The following RELN variants were observed in gnomAD, a reference collection of about 807,000 sequenced individuals.
The protein encoded by RELN is reelin.
In RELN, 108 loss-of-function variants were observed where a neutral mutation model predicts 427.6. The ratio of observed to expected loss-of-function variants is 0.25; its 90% CI spans 0.22 to 0.30. RELN has a LOEUF of 0.30. Among genes scored for constraint, RELN ranks in the 10% least tolerant of loss-of-function variants. The pLI is 1.00. For synonymous variants in RELN, 1,524 were observed against 1,513.4 expected, an observed-to-expected ratio of 1.01 and a Z score of -0.16; for missense variants, 3,715 against 4,302.8, an observed-to-expected ratio of 0.86 and a Z score of 3.82.
chr7:103,571,257 A>T lies in RELN; in HGVS notation c.4588+927T>A, dbSNP rs362809. On this transcript the variant is annotated intron_variant, in intron 31 of 64. Transcript: ENST00000428762. ...TGCAAACTCTTTACATGTTGCTGAG[A>T]CCACGGTTTGGAGGAGGATGCATCT... Among the ~76,000 whole-genome samples, 327 of 152,300 alleles carry T rather than the reference A, an allele frequency of 2.1e-3. 10 individuals carry two copies. The East Asian group carries it at 0.06, about 28-fold the overall frequency.
intron 1 of RELN, among the ~76,000 whole-genome samples, chr7:103,957,057 G>A (rs1259261924): frequency 6.6e-6 from 1 of 152,160 alleles, no homozygotes; most frequent in Non-Finnish European, 1.5e-5. Context: ...GTGCAGGGAA[G>A]GAGAAATGGC....
At chr7:103,735,946 A>T (rs1790481514) in intron 6 of RELN, among the ~76,000 whole-genome samples, 1 of 152,230 alleles carries the variant, frequency 6.6e-6, no homozygotes, top group Admixed American at 6.5e-5. Context: ...TGTTCTGATT[A>T]CTTAAAGTTC....
At position 103,548,757 on chromosome 7, in the gene RELN, C is replaced by T. The variant is rs362773; in HGVS notation, c.6302+2310G>A. Among the ~76,000 whole-genome samples the T allele has an allele frequency of 2.8e-3, 427 of 152,236 alleles. 4 individuals are homozygous for T. The highest frequency in any genetic ancestry group is 9.6e-3 in the African/African-American group (398 of 41,524). On this transcript the variant is annotated intron_variant, in intron 41 of 64. Transcript: ENST00000428762. ...GTCTGCAAGTCTCTTGTTCAGATTT[C>T]CAAATTATATTGTCTTGCCTTACGT...
At chr7:103,872,545 G>T (rs1794373036) in intron 2 of RELN, among the ~76,000 whole-genome samples, 1 of 132,996 alleles carries the variant, frequency 7.5e-6, no homozygotes, top group Non-Finnish European at 1.6e-5. Flanking sequence ...TGTCTTTATA[G>T]CGGCATGATT....
chr7:103,937,770 T>C (rs146087593), intron 1 of RELN, among the ~76,000 whole-genome samples: 47 of 152,286 alleles, frequency 3.1e-4, no homozygotes, highest in African/African-American at 1.0e-3. Context: ...AAAACAAATA[T>C]GTTAAAATGG....
intron 2 of RELN, among the ~76,000 whole-genome samples, chr7:103,842,589 A>G (rs1462805369): frequency 6.6e-6 from 1 of 152,248 alleles, no homozygotes; most frequent in African/African-American, 2.4e-5. Flanking sequence ...GCTCTTAAGT[A>G]GAGTAATGCT....
chr7:103,818,918 T>C (rs1792948524), intron 3 of RELN, among the ~76,000 whole-genome samples: 1 of 152,024 alleles, frequency 6.6e-6, no homozygotes, highest in African/African-American at 2.4e-5. Context: ...ATGTTACTTT[T>C]TTTTAAAAAA....
At chr7:103,869,699 A>C (rs764918490) in intron 2 of RELN, among the ~76,000 whole-genome samples, 11 of 152,032 alleles carry the variant, frequency 7.2e-5, no homozygotes, top group Admixed American at 6.6e-5. Context: ...TTGATTTCTC[A>C]TTGGCTATAG....
chr7:103,803,613 A>T (rs1792522473), intron 3 of RELN, among the ~76,000 whole-genome samples: 1 of 152,108 alleles, frequency 6.6e-6, no homozygotes, highest in African/African-American at 2.4e-5. Flanking sequence ...ATACCCAGTA[A>T]ACCTTGTTAT....
chr7:103,485,248 AAAAAAG>A (rs1424096438), intron 61 of RELN, among the ~76,000 whole-genome samples: 1 of 142,594 alleles, frequency 7.0e-6, no homozygotes, highest in African/African-American at 2.7e-5. Flanking sequence ...AAAAAAAAAA[AAAAAAG>A]GAAGATGATA....
At chr7:103,715,516 C>T (rs990717542) in intron 8 of RELN, among the ~76,000 whole-genome samples, 1 of 152,048 alleles carries the variant, frequency 6.6e-6, no homozygotes, top group African/African-American at 2.4e-5. Context: ...ATATTTTGTC[C>T]CTCAGTCACT....
chr7:103,550,613 C>CT (rs556298996), intron 41 of RELN, among the ~76,000 whole-genome samples: 1,659 of 122,638 alleles, frequency 0.014, 11 homozygotes, highest in Middle Eastern at 0.039. Context: ...AACGTGCTAA[C>CT]TTTTTTTTTT....
chr7:103,656,863 G>A (rs577309526), intron 12 of RELN, among the ~76,000 whole-genome samples: 2 of 152,000 alleles, frequency 1.3e-5, no homozygotes, highest in East Asian at 3.9e-4. Context: ...ATCTCTTTTC[G>A]TCCCTTAACA....
intron 19 of RELN, among the ~76,000 whole-genome samples, chr7:103,632,690 C>CT (rs1562931871): frequency 6.6e-6 from 1 of 151,956 alleles, no homozygotes; most frequent in African/African-American, 2.4e-5. Flanking sequence ...CTCAATTTTC[C>CT]TTTTGTTTGT....
intron 46 of RELN, among the ~76,000 whole-genome samples, chr7:103,529,272 T>C (rs1829888839): frequency 6.6e-6 from 1 of 152,208 alleles, no homozygotes; most frequent in South Asian, 2.1e-4. Flanking sequence ...CCTGCAGACA[T>C]TAAGTAGCTT....
intron 53 of RELN, 131 bp from the exon 54 acceptor site, chr7:103,498,383 T>C: frequency 1.2e-6 from 1 of 811,616 alleles, no homozygotes. Context: ...TCAAAGATGT[T>C]TAAAAAAGGC....
Position 103,694,935 on chromosome 7 carries a change from G to A in RELN, c.1143+2918C>T, listed in dbSNP as rs150168118. ...CCACTTTGGCCTCCCAAAGTGCTGG[G>A]ATTACAAGCATGATCCTCTGTGCCT... On this transcript the variant is annotated intron_variant, in intron 10 of 64. Transcript: ENST00000428762. 1.4e-3 allele frequency among the ~76,000 whole-genome samples: 209 copies of A among 152,024 alleles called. 1 individual carries two copies. The highest frequency in any genetic ancestry group is 0.013 in the East Asian group (69 of 5,150).
In RELN at chr7:103,899,990, A is replaced by C. The variant is rs371572391; in HGVS notation, c.337+17085T>G. ...AAGAAATAAAGGGTATTCAATTAGG[A>C]AAAGAGGAAGTCAAATAGTCCCTGT... On this transcript the variant is annotated intron_variant, in intron 2 of 64. Transcript: ENST00000428762. 3.3e-3 allele frequency among the ~76,000 whole-genome samples: 504 copies of C among 152,282 alleles called. 5 individuals carry two copies. Among genetic ancestry groups the C allele is most frequent in the African/African-American group, 0.012 (480 of 41,552 alleles).
intron 6 of RELN, among the ~76,000 whole-genome samples, chr7:103,732,583 T>C (rs1360503695): frequency 6.6e-6 from 1 of 152,104 alleles, no homozygotes; most frequent in Non-Finnish European, 1.5e-5. Context: ...CTGGTGGTCA[T>C]GGCTTCCAAG....
Sources: allele counts gnomAD v4.1 joint callset (sites outside exome capture counted in the v4.1 genomes callset), GRCh38; gene constraint gnomAD v4.1.1; transcripts MANE v1.5; gene names NCBI Gene and HGNC (gene_info 2026-07-23, HGNC 2026-07-21).